Variants in CGNL1 observed in about 807,000 individuals in gnomAD.
The protein encoded by CGNL1 is cingulin-like protein 1.
A neutral mutation model predicts 141.2 loss-of-function variants in CGNL1; 132 were observed. That is an observed-to-expected ratio of 0.93 (90% CI 0.81 to 1.08). The LOEUF (loss-of-function observed/expected upper bound fraction) is 1.08, where lower values mean the gene tolerates loss of function less well. Among genes scored for constraint, CGNL1 ranks in the 50% least tolerant of loss-of-function variants. The probability of loss-of-function intolerance (pLI) is 0.00; values close to 1 mark genes in which losing one functional copy is unlikely to be tolerated. For missense variants in CGNL1, 1,870 were observed against 1,588.6 expected (o/e 1.18, Z -3.01); for synonymous variants, 690 against 622.1 (o/e 1.11, Z -1.63).
rs2033009356 is a variant in CGNL1, at chr15:57,549,253, G to A, written c.*1763G>A. On this transcript the variant is annotated 3_prime_UTR_variant, in exon 19 of 19. Transcript: ENST00000281282. ...CTGGGCTTCCACAGGTCAGAATATGGGACAGGACATGGTCAGGGAGAGGAC... is the reference window on the plus strand; with the variant it reads ...CTGGGCTTCCACAGGTCAGAATATGAGACAGGACATGGTCAGGGAGAGGAC... 6.7e-6 allele frequency: 1 copy of A among 150,320 alleles called. No homozygotes were observed. The highest frequency in any genetic ancestry group is 6.6e-5 in the Admixed American group (1 of 15,256). The allele number at this position is 150,320 out of a possible 1,614,324, so 9.3% of individuals were successfully genotyped here.
intron 8 of CGNL1, among the ~76,000 whole-genome samples, chr15:57,512,774 T>C (rs1047477241): frequency 7.2e-5 from 11 of 152,136 alleles, no homozygotes; most frequent in Non-Finnish European, 1.3e-4. Context: ...AATGAAAGGG[T>C]GCTGACCACA....
intron 8 of CGNL1, among the ~76,000 whole-genome samples, chr15:57,468,445 T>C (rs1297191928): frequency 6.6e-6 from 1 of 151,974 alleles, no homozygotes; most frequent in Non-Finnish European, 1.5e-5. Flanking sequence ...TTGCTCAGGC[T>C]GGTCTTGAAC....
At chr15:57,497,386 C>T (rs1439003723) in intron 8 of CGNL1, among the ~76,000 whole-genome samples, 1 of 43,542 alleles carries the variant, frequency 2.3e-5, no homozygotes, top group Non-Finnish European at 4.6e-5. Flanking sequence ...CAGGGTGGGG[C>T]GGGTGGTGGC....
chr15:57,403,727 C>T lies in CGNL1; in HGVS notation c.-16+27160C>T, dbSNP rs191394612. Among the ~76,000 whole-genome samples, 4 of 152,360 alleles carry T rather than the reference C, an allele frequency of 2.6e-5. No homozygotes were observed. The East Asian group carries it at 7.7e-4, about 29-fold the overall frequency. On this transcript the variant is annotated intron_variant, in intron 1 of 18. Coordinates refer to ENST00000281282, the MANE Select transcript of CGNL1 (RefSeq NM_032866.5). ...AGAGGCAGGCTGGAAAATACTCAAT[C>T]TAAATAGATGGAGGTGACGTTGTGC...
chr15:57,397,027 T>C (rs1377712380), intron 1 of CGNL1: 1 of 152,154 alleles, frequency 6.6e-6, no homozygotes, highest in Non-Finnish European at 1.5e-5. Context: ...AGAGTCTACT[T>C]CAATCTGTGG....
At chr15:57,406,584 TG>T (rs1183917640) in intron 1 of CGNL1, among the ~76,000 whole-genome samples, 2 of 152,100 alleles carry the variant, frequency 1.3e-5, no homozygotes, top group African/African-American at 2.4e-5. Context: ...CATGGTAACA[TG>T]GGTAAGTGGT....
At chr15:57,378,827 T>C (rs2062395188) in intron 1 of CGNL1, among the ~76,000 whole-genome samples, 1 of 152,202 alleles carries the variant, frequency 6.6e-6, no homozygotes, top group Admixed American at 6.5e-5. Flanking sequence ...TTTGCCCACT[T>C]GGTTTTCTCG....
intron 1 of CGNL1, among the ~76,000 whole-genome samples, chr15:57,416,577 G>GTT: frequency 6.6e-6 from 1 of 152,220 alleles, no homozygotes; most frequent in East Asian, 1.9e-4. Flanking sequence ...TTGAATTTGT[G>GTT]TTGCTCCAGG....
At chr15:57,546,001 G>T in intron 17 of CGNL1, 75 bp from the exon 18 acceptor site, 1 of 1,515,134 alleles carries the variant, frequency 6.6e-7, no homozygotes, top group Non-Finnish European at 8.9e-7. Flanking sequence ...GGAGATGGTG[G>T]CTGGACCTGG....
chr15:57,389,308 A>C (rs765933401), intron 1 of CGNL1, among the ~76,000 whole-genome samples: 1 of 152,234 alleles, frequency 6.6e-6, no homozygotes, highest in Non-Finnish European at 1.5e-5. Context: ...ACAAAAAACA[A>C]ACCAAAAAAA....
intron 8 of CGNL1, among the ~76,000 whole-genome samples, chr15:57,473,761 T>A (rs986884165): frequency 6.6e-6 from 1 of 152,038 alleles, no homozygotes. Context: ...GAGTGTGCCA[T>A]CTTGGAAGTA....
chr15:57,465,619 G>T (rs1305642417), intron 8 of CGNL1, among the ~76,000 whole-genome samples: 1 of 151,496 alleles, frequency 6.6e-6, no homozygotes, highest in Non-Finnish European at 1.5e-5. Flanking sequence ...TCAAACCCCT[G>T]ACCTCAGGGG....
At chr15:57,531,621 G>C (rs748571381) in intron 13 of CGNL1, 69 bp from the exon 14 acceptor site, 12 of 970,696 alleles carry the variant, frequency 1.2e-5, no homozygotes, top group East Asian at 1.2e-4. Flanking sequence ...GTTTCTCTGT[G>C]GGGGAGCCTT....
chr15:57,536,842 A>C (rs748653027), intron 14 of CGNL1, among the ~76,000 whole-genome samples: 46 of 152,176 alleles, frequency 3.0e-4, no homozygotes, highest in Non-Finnish European at 6.3e-4. Flanking sequence ...TTTGACTCCA[A>C]AGCCTCTTGC....
intron 7 of CGNL1, among the ~76,000 whole-genome samples, chr15:57,456,477 A>G (rs2063380158): frequency 6.6e-6 from 1 of 151,842 alleles, no homozygotes; most frequent in African/African-American, 2.4e-5. Flanking sequence ...TTCTCTAATA[A>G]ACTGGCTTTC....
intron 10 of CGNL1, 134 bp from the exon 11 acceptor site, chr15:57,523,355 T>A: frequency 1.4e-6 from 1 of 740,082 alleles, no homozygotes; most frequent in South Asian, 2.1e-5. Flanking sequence ...CAGCTTTATT[T>A]TGATCTTCTT....
At chr15:57,418,997 G>A (rs574491040) in intron 1 of CGNL1, among the ~76,000 whole-genome samples, 3 of 151,682 alleles carry the variant, frequency 2.0e-5, no homozygotes, top group Admixed American at 6.6e-5. Flanking sequence ...GCGCAATCTC[G>A]GCTCACTGCA....
chr15:57,461,593 C>T, intron 7 of CGNL1, 87 bp from the exon 8 acceptor site: 1 of 1,097,712 alleles, frequency 9.1e-7, no homozygotes. Flanking sequence ...TGGCTGTGCA[C>T]ATGGGGACTG....
intron 13 of CGNL1, among the ~76,000 whole-genome samples, chr15:57,530,751 A>T (rs750760637): frequency 1.2e-4 from 18 of 152,210 alleles, no homozygotes; most frequent in Non-Finnish European, 2.4e-4. Flanking sequence ...CCGTTCACAG[A>T]CAGTCACTCA....
Sources: gnomAD v4.1 joint callset for allele counts (sites outside exome capture counted in the v4.1 genomes callset) on GRCh38, gnomAD v4.1.1 for gene constraint, MANE v1.5 for transcripts, NCBI Gene and HGNC (gene_info 2026-07-23, HGNC 2026-07-21) for gene names.